Variants in ZNF438 observed in about 807,000 individuals in gnomAD.
ZNF438 encodes zinc finger protein 438.
In ZNF438, 25 loss-of-function variants were observed where a neutral mutation model predicts 38.0. The ratio of observed to expected loss-of-function variants is 0.66; its 90% CI spans 0.48 to 0.92. The LOEUF (loss-of-function observed/expected upper bound fraction) is 0.92, where lower values mean the gene tolerates loss of function less well. ZNF438 is among the 40% of genes least tolerant of loss of function. The pLI, the probability that ZNF438 is intolerant of heterozygous loss-of-function variation, is 0.00. For synonymous variants in ZNF438, 372 were observed against 364.1 expected (o/e 1.02, Z -0.25); for missense variants, 1,007 against 999.6 (o/e 1.01, Z -0.10).
In ZNF438 at chr10:30,926,654, G is replaced by GA. The variant is rs766575905; in HGVS notation, c.-115+14920dup. ...GCACTCCAGCCTGAGCGACAGGGTG[G>GA]AAAAAAAAAAAAAGGAACAACAAAG... On this transcript the variant is annotated intron_variant, in intron 2 of 5. Coordinates refer to ENST00000413025, the Ensembl canonical transcript of ZNF438. 1.7e-3 allele frequency among the ~76,000 whole-genome samples: 240 copies of GA among 138,958 alleles called. 2 individuals carry two copies. The South Asian group carries it at 0.018, about 11-fold the overall frequency. The allele number at this position is 138,958 out of a possible 152,430, so 91.2% of individuals were successfully genotyped here.
intron 1 of ZNF438, among the ~76,000 whole-genome samples, chr10:30,953,263 T>C (rs1589394465): frequency 6.8e-6 from 1 of 146,792 alleles, no homozygotes; most frequent in Admixed American, 6.8e-5. Context: ...GTGGTGGGGG[T>C]AGAGGGGAGG....
At chr10:30,944,253 T>C (rs573737420) in intron 1 of ZNF438, among the ~76,000 whole-genome samples, 27 of 152,198 alleles carry the variant, frequency 1.8e-4, no homozygotes, top group Non-Finnish European at 3.5e-4. Context: ...GTCATCTACA[T>C]AGTAAACACT....
At position 30,938,777 on chromosome 10, in the gene ZNF438, CTTTATTTATTTATTTA is replaced by C. The variant is rs61394565; in HGVS notation, c.-115+2782_-115+2797del. ...ATTTCAGACTTCCCAGGGAAGCAAA[CTTTATTTATTTATTTA>C]TTTATTTATTTATTTATTTTGAGAT... On this transcript the variant is annotated intron_variant, in intron 2 of 5. Coordinates refer to ENST00000413025, the Ensembl canonical transcript of ZNF438. 2.0e-3 allele frequency among the ~76,000 whole-genome samples: 292 copies of C among 149,688 alleles called. 1 individual carries two copies. Among genetic ancestry groups the C allele is most frequent in the African/African-American group, 6.7e-3 (271 of 40,708 alleles).
intron 1 of ZNF438, among the ~76,000 whole-genome samples, chr10:30,993,253 GCTGCTC>G (rs759126691): frequency 4.6e-5 from 7 of 152,330 alleles, no homozygotes; most frequent in Admixed American, 6.5e-5. Context: ...CATCTTCAAA[GCTGCTC>G]CTCCCATCAG....
chr10:30,975,479 T>A (rs200248350), intron 1 of ZNF438, among the ~76,000 whole-genome samples: 1 of 152,202 alleles, frequency 6.6e-6, no homozygotes, highest in Non-Finnish European at 1.5e-5. Flanking sequence ...GGACACAAGC[T>A]TACAAGCTAC....
chr10:30,923,309 G>A (rs1179701447), intron 2 of ZNF438: 1 of 152,106 alleles, frequency 6.6e-6, no homozygotes, highest in African/African-American at 2.4e-5. Flanking sequence ...TAATTTCCAT[G>A]ACCTCACTGT....
intron 1 of ZNF438, among the ~76,000 whole-genome samples, chr10:30,945,046 ATT>A (rs199523903): frequency 2.2e-5 from 3 of 139,332 alleles, no homozygotes; most frequent in Admixed American, 7.2e-5. Context: ...ACTCTTCCAG[ATT>A]TTTTTTTTTT....
chr10:30,973,565 A>T (rs2050983056), intron 1 of ZNF438, among the ~76,000 whole-genome samples: 1 of 152,228 alleles, frequency 6.6e-6, no homozygotes, highest in African/African-American at 2.4e-5. Flanking sequence ...TATTCAATTC[A>T]TGATACGTGT....
At chr10:31,030,211 G>A (rs1258210167) in intron 1 of ZNF438, among the ~76,000 whole-genome samples, 5 of 152,146 alleles carry the variant, frequency 3.3e-5, no homozygotes, top group African/African-American at 7.2e-5. Flanking sequence ...GCCTTTGAAT[G>A]GCTTTTCCTG....
intron 3 of ZNF438, among the ~76,000 whole-genome samples, chr10:30,878,202 A>G (rs1440651389): frequency 1.3e-5 from 2 of 152,140 alleles, no homozygotes; most frequent in Non-Finnish European, 2.9e-5. Flanking sequence ...TTCTTTCTGA[A>G]TAATGTCTTT....
chr10:31,006,565 T>C (rs971360656), intron 1 of ZNF438, among the ~76,000 whole-genome samples: 6 of 152,108 alleles, frequency 3.9e-5, no homozygotes, highest in Non-Finnish European at 7.4e-5. Context: ...CTGTGAGCCC[T>C]CTAGTAAATT....
intron 1 of ZNF438, among the ~76,000 whole-genome samples, chr10:30,972,025 A>AGTG (rs2050797025): frequency 6.6e-6 from 1 of 150,978 alleles, no homozygotes; most frequent in Non-Finnish European, 1.5e-5. Context: ...GCTGGAGTGC[A>AGTG]GTGGCACAAT....
chr10:30,929,494 G>A (rs375734051), intron 2 of ZNF438, among the ~76,000 whole-genome samples: 82 of 152,336 alleles, frequency 5.4e-4, no homozygotes, highest in African/African-American at 1.7e-3. Context: ...CGCGGTGATT[G>A]TTACAGCTCA....
At chr10:30,934,326 C>T (rs2046006897) in intron 2 of ZNF438, among the ~76,000 whole-genome samples, 1 of 152,084 alleles carries the variant, frequency 6.6e-6, no homozygotes, top group Admixed American at 6.6e-5. Flanking sequence ...CTCCTCTACT[C>T]GTTATTTGGT....
rs568555260 is a variant in ZNF438, at chr10:30,959,763, T to TCA, written c.-191-18114_-191-18113dup. 2.6e-3 allele frequency among the ~76,000 whole-genome samples: 378 copies of TCA among 145,332 alleles called. 11 individuals carry two copies. Among genetic ancestry groups the TCA allele is most frequent in the African/African-American group, 8.6e-3 (352 of 40,860 alleles). On this transcript the variant is annotated intron_variant, in intron 1 of 5. Coordinates refer to ENST00000413025, the Ensembl canonical transcript of ZNF438. ...ACTCCGTCTCAATAAATAAATTTCT[T>TCA]CACACACACACACATACCTGATTCA...
chr10:30,976,174 T>G (rs1483867538), intron 1 of ZNF438, among the ~76,000 whole-genome samples: 1 of 151,612 alleles, frequency 6.6e-6, no homozygotes, highest in Non-Finnish European at 1.5e-5. Context: ...CAAAACACAA[T>G]GAAAACAAGG....
At chr10:30,858,362 T>C (rs1225070377) in intron 4 of ZNF438, among the ~76,000 whole-genome samples, 7 of 152,190 alleles carry the variant, frequency 4.6e-5, no homozygotes, top group African/African-American at 1.2e-4. Context: ...AAAATAAATA[T>C]GGTAAAACCC....
chr10:31,029,419 C>T (rs1248537359), intron 1 of ZNF438, among the ~76,000 whole-genome samples: 8 of 152,178 alleles, frequency 5.3e-5, no homozygotes, highest in Non-Finnish European at 1.0e-4. Flanking sequence ...CAGTAAACAG[C>T]ACCACTATAC....
intron 1 of ZNF438, among the ~76,000 whole-genome samples, chr10:31,010,157 T>C (rs1341746058): frequency 6.6e-6 from 1 of 152,204 alleles, no homozygotes; most frequent in Admixed American, 6.5e-5. Flanking sequence ...TTGTCAATCA[T>C]TTTTATAATG....
Sources: allele counts gnomAD v4.1 joint callset (sites outside exome capture counted in the v4.1 genomes callset), GRCh38; gene constraint gnomAD v4.1.1; transcripts MANE v1.5; gene names NCBI Gene and HGNC (gene_info 2026-07-23, HGNC 2026-07-21).